KCNQ3: variants seen among roughly 807,000 people sequenced by gnomAD.
The protein encoded by KCNQ3 is potassium voltage-gated channel subfamily Q member 3.
Under a neutral mutation model 92.5 loss-of-function variants are expected in KCNQ3, and 30 were observed. The observed-to-expected ratio is 0.32, with a 90% CI of 0.24 to 0.44. The LOEUF (loss-of-function observed/expected upper bound fraction) is 0.44. Ranked by LOEUF, KCNQ3 falls within the 20% of genes least tolerant of loss-of-function variation. KCNQ3 has a pLI of 1.00. For synonymous variants in KCNQ3, 450 were observed against 468.8 expected (o/e 0.96, Z 0.52); for missense variants, 913 against 1,140.3 (o/e 0.80, Z 2.87).
intron 1 of KCNQ3, among the ~76,000 whole-genome samples, chr8:132,427,774 T>C (rs1821147661): frequency 6.6e-6 from 1 of 152,166 alleles, no homozygotes. Flanking sequence ...CCACAACCTC[T>C]TCTCCAAGGA....
chr8:132,388,039 G>C (rs1273342199), intron 1 of KCNQ3, among the ~76,000 whole-genome samples: 1 of 150,570 alleles, frequency 6.6e-6, no homozygotes, highest in Admixed American at 6.6e-5. Context: ...AGAAGAGGAA[G>C]AGGAAGAAGA....
intron 1 of KCNQ3, among the ~76,000 whole-genome samples, chr8:132,199,864 C>T (rs1263729756): frequency 3.4e-5 from 5 of 149,140 alleles, no homozygotes; most frequent in East Asian, 2.0e-4. Context: ...GAGCCGAGAT[C>T]GTGCCACTGC....
chr8:132,216,505 C>T (rs186555608), intron 1 of KCNQ3, among the ~76,000 whole-genome samples: 1,545 of 152,242 alleles, frequency 0.01, 10 homozygotes, highest in Middle Eastern at 0.017. Flanking sequence ...GAGGGAGGGA[C>T]GCAGCCTCCC....
intron 1 of KCNQ3, among the ~76,000 whole-genome samples, chr8:132,234,353 T>G (rs1814740196): frequency 1.4e-5 from 2 of 145,454 alleles, no homozygotes; most frequent in Non-Finnish European, 3.0e-5. Flanking sequence ...TTTTTTTTTT[T>G]TTTTTTTTTT....
At chr8:132,254,287 C>T (rs926842574) in intron 1 of KCNQ3, among the ~76,000 whole-genome samples, 19 of 152,148 alleles carry the variant, frequency 1.2e-4, no homozygotes, top group African/African-American at 4.6e-4. Context: ...CGACTTTACA[C>T]AAATGAGTGA....
intron 3 of KCNQ3, among the ~76,000 whole-genome samples, chr8:132,182,010 A>C (rs769758484): frequency 6.7e-6 from 1 of 149,602 alleles, no homozygotes; most frequent in Admixed American, 6.7e-5. Flanking sequence ...GTGCCACTGC[A>C]CTCCAGCCTG....
At chr8:132,207,396 T>C (rs997586377) in intron 1 of KCNQ3, among the ~76,000 whole-genome samples, 10 of 152,230 alleles carry the variant, frequency 6.6e-5, no homozygotes, top group African/African-American at 2.4e-4. Flanking sequence ...GAATAAAGCA[T>C]TGTGCCAAAG....
Position 132,459,663 on chromosome 8 carries a change from A to G in KCNQ3, c.386+20484T>C, listed in dbSNP as rs1822018321. 2.6e-5 allele frequency among the ~76,000 whole-genome samples: 4 copies of G among 152,110 alleles called. No individual in the cohort carries two copies. The South Asian group carries it at 8.3e-4, about 32-fold the overall frequency. On this transcript the variant is annotated intron_variant, in intron 1 of 14. Transcript: ENST00000388996. ...TTTCAACATGTAGTTTGAGGGTACAAATATCCAAACTATAACACCTGGCTT... is the reference window on the plus strand; with the variant it reads ...TTTCAACATGTAGTTTGAGGGTACAGATATCCAAACTATAACACCTGGCTT...
intron 1 of KCNQ3, among the ~76,000 whole-genome samples, chr8:132,373,837 C>T (rs190987991): frequency 1.7e-3 from 260 of 152,266 alleles, no homozygotes; most frequent in Middle Eastern, 0.01. Flanking sequence ...GTTGGTTCCA[C>T]CCAAGGATAA....
chr8:132,299,981 A>T (rs1024143398), intron 1 of KCNQ3, among the ~76,000 whole-genome samples: 2 of 152,084 alleles, frequency 1.3e-5, no homozygotes, highest in Middle Eastern at 3.2e-3. Flanking sequence ...CTATTTCAGC[A>T]CCTCTGGTGG....
intron 1 of KCNQ3, among the ~76,000 whole-genome samples, chr8:132,443,119 C>G (rs1324581741): frequency 6.6e-6 from 1 of 152,202 alleles, no homozygotes; most frequent in Non-Finnish European, 1.5e-5. Flanking sequence ...TAAGGCCCCG[C>G]TTGAGCATAA....
At chr8:132,218,808 CT>C (rs144461854) in intron 1 of KCNQ3, among the ~76,000 whole-genome samples, 1,901 of 152,262 alleles carry the variant, frequency 0.012, 99 homozygotes, top group Admixed American at 0.088. Flanking sequence ...ATTTCCCTTA[CT>C]GTGGAAGATA....
intron 1 of KCNQ3, among the ~76,000 whole-genome samples, chr8:132,252,874 T>C (rs1433593421): frequency 6.6e-6 from 1 of 152,196 alleles, no homozygotes; most frequent in Non-Finnish European, 1.5e-5. Flanking sequence ...CCTAGTGTTC[T>C]TCTATCCATC....
At chr8:132,248,028 T>C (rs1815244859) in intron 1 of KCNQ3, among the ~76,000 whole-genome samples, 1 of 152,054 alleles carries the variant, frequency 6.6e-6, no homozygotes, top group African/African-American at 2.4e-5. Flanking sequence ...TTTACCAAAG[T>C]TTACGCTGCC....
At chr8:132,183,171 C>T (rs760351140) in intron 3 of KCNQ3, among the ~76,000 whole-genome samples, 2 of 152,148 alleles carry the variant, frequency 1.3e-5, no homozygotes, top group African/African-American at 2.4e-5. Context: ...GAATGAGTAG[C>T]ATGCTCAGAG....
intron 9 of KCNQ3, among the ~76,000 whole-genome samples, chr8:132,162,550 C>T (rs1008177273): frequency 1.3e-5 from 2 of 152,178 alleles, no homozygotes; most frequent in African/African-American, 4.8e-5. Context: ...AGTGAATGTC[C>T]TGACACCATT....
intron 12 of KCNQ3, among the ~76,000 whole-genome samples, chr8:132,136,118 CAAAAAAAA>C (rs67331428): frequency 3.0e-4 from 12 of 40,020 alleles, no homozygotes; most frequent in South Asian, 1.3e-3. Flanking sequence ...GACTCCATCT[CAAAAAAAA>C]AAAAAAAAAA....
chr8:132,143,521 G>A (rs989629962), intron 9 of KCNQ3, among the ~76,000 whole-genome samples: 1 of 152,170 alleles, frequency 6.6e-6, no homozygotes, highest in African/African-American at 2.4e-5. Context: ...GGCAAAACCA[G>A]CCTGGTGGAA....
chr8:132,406,192 C>G (rs1305868720), intron 1 of KCNQ3, among the ~76,000 whole-genome samples: 2 of 152,124 alleles, frequency 1.3e-5, no homozygotes, highest in Non-Finnish European at 2.9e-5. Context: ...TAAGTCAGAA[C>G]AGATGTTGGG....
Sources: gnomAD v4.1 joint callset for allele counts (sites outside exome capture counted in the v4.1 genomes callset) on GRCh38, gnomAD v4.1.1 for gene constraint, MANE v1.5 for transcripts, NCBI Gene and HGNC (gene_info 2026-07-23, HGNC 2026-07-21) for gene names.